Variants in HIGD1C observed in about 807,000 individuals in gnomAD.
HIGD1C encodes the protein HIG1 hypoxia inducible domain family member 1C, also known as HIG1 domain family member 1C.
Under a neutral mutation model 13.1 loss-of-function variants are expected in HIGD1C, and 11 were observed. The observed-to-expected ratio is 0.84, with a 90% CI of 0.53 to 1.39. The LOEUF (loss-of-function observed/expected upper bound fraction) is 1.39, where lower values mean the gene tolerates loss of function less well. Among genes scored for constraint, HIGD1C ranks in the 40% most tolerant of loss-of-function variants. HIGD1C has a pLI of 0.00. For missense variants in HIGD1C, 110 were observed against 112.0 expected, an observed-to-expected ratio of 0.98 and a Z score of 0.08; for synonymous variants, 36 against 37.7, an observed-to-expected ratio of 0.95 and a Z score of 0.17.
At chr12:50,945,609 T>C in the HIGD1C span, among the ~76,000 whole-genome samples, 3 of 152,182 alleles carry the variant, frequency 2.0e-5, no homozygotes, top group African/African-American at 7.2e-5. Flanking sequence ...GAACATTCCA[T>C]GCTCATGGGT....
intron 1 of HIGD1C, among the ~76,000 whole-genome samples, chr12:50,957,306 G>A (rs1259230696): frequency 6.6e-6 from 1 of 151,690 alleles, no homozygotes; most frequent in Non-Finnish European, 1.5e-5. Context: ...CACCTCCTGG[G>A]CTCAAGCGAT....
chr12:50,937,571 C>T, the HIGD1C span, among the ~76,000 whole-genome samples: 1 of 152,090 alleles, frequency 6.6e-6, no homozygotes, highest in South Asian at 2.1e-4. Flanking sequence ...GTGCTTCAGT[C>T]CATTTGTGTT....
intron 2 of HIGD1C, among the ~76,000 whole-genome samples, chr12:50,969,490 A>T (rs1939675683): frequency 6.6e-6 from 1 of 152,104 alleles, no homozygotes; most frequent in African/African-American, 2.4e-5. Context: ...ACCTGAGGTC[A>T]GGAGTTCAAG....
At chr12:50,967,321 T>A (rs1366821188) in intron 2 of HIGD1C, among the ~76,000 whole-genome samples, 1 of 152,036 alleles carries the variant, frequency 6.6e-6, no homozygotes, top group African/African-American at 2.4e-5. Flanking sequence ...AATTTTAAAA[T>A]TTTTTCGTAG....
the HIGD1C span, among the ~76,000 whole-genome samples, chr12:50,946,411 G>T: frequency 3.9e-4 from 60 of 152,294 alleles, no homozygotes; most frequent in African/African-American, 1.4e-3. Context: ...CCATCAACAA[G>T]TGGGCGAAGG....
chr12:50,955,322 C>T (rs1306839761), intron 1 of HIGD1C, among the ~76,000 whole-genome samples: 1 of 152,136 alleles, frequency 6.6e-6, no homozygotes, highest in Non-Finnish European at 1.5e-5. Context: ...CCTCTTTATC[C>T]TTTCCCCACA....
chr12:50,951,133 T>C (rs1224920094), upstream of HIGD1C, among the ~76,000 whole-genome samples: 2 of 152,116 alleles, frequency 1.3e-5, no homozygotes, highest in Non-Finnish European at 1.5e-5. Flanking sequence ...TTAAAGTACC[T>C]GTTCAGAAAC....
chr12:50,959,849 C>T (rs370898373), intron 1 of HIGD1C, among the ~76,000 whole-genome samples: 2 of 151,972 alleles, frequency 1.3e-5, no homozygotes, highest in Admixed American at 6.6e-5. Flanking sequence ...GGGATTTCAC[C>T]GTGTTGGCCA....
chr12:50,961,216 G>A, intron 2 of HIGD1C, 114 bp downstream of exon 4: 2 of 1,109,858 alleles, frequency 1.8e-6, no homozygotes, highest in Non-Finnish European at 2.5e-6. Flanking sequence ...ATGAGAGAGG[G>A]GTAGGAAAGA....
chr12:50,970,339 CT>C (rs1939717063), intron 2 of HIGD1C, 102 bp from the exon 5 acceptor site: 1 of 710,082 alleles, frequency 1.4e-6, no homozygotes, highest in African/African-American at 1.8e-5. Context: ...TTGTTTGTTT[CT>C]GTTTAAATTG....
chr12:50,958,938 AC>A (rs1440813872), intron 1 of HIGD1C, among the ~76,000 whole-genome samples: 7 of 151,370 alleles, frequency 4.6e-5, no homozygotes, highest in African/African-American at 1.7e-4. Flanking sequence ...AATCACTTAA[AC>A]CCGGGAGGCA....
the HIGD1C span, among the ~76,000 whole-genome samples, chr12:50,942,029 C>T: frequency 2.0e-5 from 3 of 152,246 alleles, no homozygotes; most frequent in East Asian, 1.9e-4. Flanking sequence ...CACAGATGTG[C>T]GCCACCATAC....
At chr12:50,949,100 A>G (rs1161806391), upstream of HIGD1C, 2 of 151,554 alleles carry the variant, frequency 1.3e-5, no homozygotes, top group Non-Finnish European at 2.9e-5. Flanking sequence ...GAATGAAGAA[A>G]AGATCCCTAG....
chr12:50,960,922 C>T, intron 1 of HIGD1C, 46 bp from the exon 4 acceptor site: 2 of 1,491,586 alleles, frequency 1.3e-6, no homozygotes, highest in East Asian at 2.6e-5. Flanking sequence ...TCACACGATG[C>T]TCCTGCCTCA....
chr12:50,967,979 C>T (rs1400286686), intron 2 of HIGD1C, among the ~76,000 whole-genome samples: 3 of 151,906 alleles, frequency 2.0e-5, no homozygotes, highest in Non-Finnish European at 2.9e-5. Flanking sequence ...CCCAGCTACT[C>T]GGGAGGCTGA....
chr12:50,936,652 C>A, the HIGD1C span, among the ~76,000 whole-genome samples: 1 of 152,170 alleles, frequency 6.6e-6, no homozygotes, highest in Non-Finnish European at 1.5e-5. Context: ...TTTGTCTCTT[C>A]TCTCCTCCAC....
the HIGD1C span, among the ~76,000 whole-genome samples, chr12:50,946,557 T>C: frequency 7.2e-5 from 11 of 152,044 alleles, no homozygotes; most frequent in South Asian, 1.2e-3. Flanking sequence ...GTTAGAATGG[T>C]GATCATTAAA....
chr12:50,942,206 AC>A, the HIGD1C span, among the ~76,000 whole-genome samples: 3 of 152,188 alleles, frequency 2.0e-5, no homozygotes, highest in African/African-American at 7.2e-5. Context: ...CTGTTGCCAT[AC>A]AAATCAGCCA....
chr12:50,959,035 A>C (rs971147745), intron 1 of HIGD1C, among the ~76,000 whole-genome samples: 1 of 152,096 alleles, frequency 6.6e-6, no homozygotes, highest in Admixed American at 6.6e-5. Flanking sequence ...AACAAACAAA[A>C]AAAAGATGCA....
Sources: gnomAD v4.1 joint callset for allele counts (sites outside exome capture counted in the v4.1 genomes callset) on GRCh38, gnomAD v4.1.1 for gene constraint, MANE v1.5 for transcripts, NCBI Gene and HGNC (gene_info 2026-07-23, HGNC 2026-07-21) for gene names.